The following USP34 variants were observed in gnomAD, a reference collection of about 807,000 sequenced individuals.
USP34 encodes ubiquitin carboxyl-terminal hydrolase 34.
Under a neutral mutation model 460.3 loss-of-function variants are expected in USP34, and 70 were observed. The ratio of observed to expected loss-of-function variants is 0.15; its 90% CI spans 0.13 to 0.19. The LOEUF is 0.19. Among genes scored for constraint, USP34 ranks in the 10% least tolerant of loss-of-function variants. The pLI is 1.00. For missense variants in USP34, 3,985 were observed against 4,236.2 expected (o/e 0.94, Z 1.65); for synonymous variants, 1,647 against 1,405.3 (o/e 1.17, Z -3.85).
Position 61,259,766 on chromosome 2 carries a change from T to A in USP34, c.5789A>T (p.Asp1930Val). Reference protein sequence around the residue: ...QAVFTAKYSEDMKHKTTLLEL... With the variant: ...QAVFTAKYSEVMKHKTTLLEL... ...CAGAAGAGTGGTCTTGTGCTTCATATCCTCTGAATACTGAAAATCAAGAGA... is the reference window on the plus strand; with the variant it reads ...CAGAAGAGTGGTCTTGTGCTTCATAACCTCTGAATACTGAAAATCAAGAGA... The change falls in exon 44 of 80, where the codon GAT becomes GTT. Residue 1930 changes from aspartate (D) to valine (V), a missense_variant. By Grantham distance (152) the Asp-to-Val change is radical (BLOSUM62 -3). This residue lies in a region of USP34 where 145 missense variants were observed against 291.6 expected (regional missense o/e 0.50). Coordinates refer to ENST00000398571, the MANE Select transcript of USP34 (RefSeq NM_014709.4). 1 of 1,613,060 alleles carries A rather than the reference T, an allele frequency of 6.2e-7. No homozygotes were observed. Among genetic ancestry groups the A allele is most frequent in the Non-Finnish European group, 8.5e-7 (1 of 1,179,836 alleles).
chr2:61,341,909 C>G (rs1416427305), intron 16 of USP34, among the ~76,000 whole-genome samples: 1 of 151,322 alleles, frequency 6.6e-6, no homozygotes, highest in Non-Finnish European at 1.5e-5. Context: ...ACGACAGGTG[C>G]CCGCCATCAC....
intron 23 of USP34, among the ~76,000 whole-genome samples, chr2:61,316,905 A>T (rs1558526667): frequency 6.6e-6 from 1 of 152,048 alleles, no homozygotes; most frequent in Non-Finnish European, 1.5e-5. Flanking sequence ...TAATAATAAA[A>T]ATTTTTAAAA....
intron 41 of USP34, among the ~76,000 whole-genome samples, chr2:61,272,914 A>G (rs1009463318): frequency 1.3e-5 from 2 of 152,188 alleles, no homozygotes; most frequent in African/African-American, 4.8e-5. Context: ...TGGGGAAAAT[A>G]AAAGAAAAAC....
chr2:61,446,843 G>C (rs1166206478), intron 1 of USP34, among the ~76,000 whole-genome samples: 1 of 151,208 alleles, frequency 6.6e-6, no homozygotes, highest in Non-Finnish European at 1.5e-5. Flanking sequence ...CCTCTGAGTA[G>C]ATACTTTGCC....
At chr2:61,243,392 C>G (rs992089915) in intron 51 of USP34, among the ~76,000 whole-genome samples, 4 of 152,042 alleles carry the variant, frequency 2.6e-5, no homozygotes, top group African/African-American at 4.8e-5. Context: ...GGTGATCCAC[C>G]TGCTTCGGCC....
At chr2:61,416,552 A>T (rs537632540) in intron 2 of USP34, among the ~76,000 whole-genome samples, 3 of 152,216 alleles carry the variant, frequency 2.0e-5, no homozygotes, top group Non-Finnish European at 4.4e-5. Flanking sequence ...AATAAGCTTA[A>T]AACAAGCAAA....
At chr2:61,249,919 G>A (rs550579976) in intron 48 of USP34, 1 of 167,726 alleles carries the variant, frequency 6.0e-6, no homozygotes, top group Admixed American at 6.4e-5. Context: ...TACTAACAGA[G>A]CTGCTGAAAC....
intron 67 of USP34, 40 bp downstream of exon 67, chr2:61,220,270 A>G (rs923831664): frequency 3.8e-6 from 6 of 1,564,008 alleles, no homozygotes; most frequent in Non-Finnish European, 4.3e-6. Context: ...ACTTTGAACA[A>G]TAAATAAATG....
At chr2:61,370,265 G>T (rs1469255035) in intron 10 of USP34, 56 bp downstream of exon 10, 1 of 1,532,512 alleles carries the variant, frequency 6.5e-7, no homozygotes, top group Non-Finnish European at 9.0e-7. Context: ...TCACAGAGAA[G>T]CACTTAGAAC....
At chr2:61,322,120 C>G (rs961985743) in intron 21 of USP34, among the ~76,000 whole-genome samples, 2 of 152,070 alleles carry the variant, frequency 1.3e-5, no homozygotes, top group African/African-American at 2.4e-5. Context: ...ATACCAGCTA[C>G]TCGGGAGGCT....
At chr2:61,290,280 ATCT>A (rs1240130768) in intron 33 of USP34, among the ~76,000 whole-genome samples, 1 of 152,150 alleles carries the variant, frequency 6.6e-6, no homozygotes, top group Non-Finnish European at 1.5e-5. Flanking sequence ...ACAGTTTGGC[ATCT>A]TCTTATAAGG....
chr2:61,344,227 A>G (rs1307942216), intron 15 of USP34, among the ~76,000 whole-genome samples, 198 bp from the exon 16 acceptor site: 1 of 152,218 alleles, frequency 6.6e-6, no homozygotes, highest in Non-Finnish European at 1.5e-5. Context: ...TTTACAATAT[A>G]CAGTCATATT....
intron 8 of USP34, among the ~76,000 whole-genome samples, chr2:61,372,912 G>C (rs760458731): frequency 3.7e-4 from 56 of 152,098 alleles, no homozygotes; most frequent in Non-Finnish European, 4.6e-4. Context: ...CAACCAAGAA[G>C]TAGAACAAAC....
chr2:61,226,773 C>T (rs1325150856), intron 62 of USP34: 13 of 238,768 alleles, frequency 5.4e-5, no homozygotes, highest in Admixed American at 1.1e-4. Flanking sequence ...GGTTAAAGAA[C>T]GAATGCACGC....
At chr2:61,229,457 T>C in intron 59 of USP34, 91 bp downstream of exon 59, 1 of 380,870 alleles carries the variant, frequency 2.6e-6, no homozygotes, top group South Asian at 4.0e-5. Flanking sequence ...CCCTATCTCT[T>C]AAAAAAAAAA....
At chr2:61,438,986 A>G (rs1694892694) in intron 1 of USP34, among the ~76,000 whole-genome samples, 1 of 152,222 alleles carries the variant, frequency 6.6e-6, no homozygotes, top group Admixed American at 6.5e-5. Context: ...ATACAAAATC[A>G]CTATTTAAAA....
intron 41 of USP34, among the ~76,000 whole-genome samples, chr2:61,274,828 T>C (rs536375344): frequency 8.5e-5 from 13 of 152,350 alleles, no homozygotes; most frequent in African/African-American, 2.4e-5. Flanking sequence ...TATAAACGTA[T>C]ACTCCATGAA....
intron 20 of USP34, among the ~76,000 whole-genome samples, chr2:61,326,519 C>T (rs1197777786): frequency 6.6e-6 from 1 of 152,032 alleles, no homozygotes; most frequent in Non-Finnish European, 1.5e-5. Flanking sequence ...TCAGCATGAC[C>T]GGCCCAGGTT....
At chr2:61,447,131 T>G (rs1172042912) in intron 1 of USP34, among the ~76,000 whole-genome samples, 2 of 151,760 alleles carry the variant, frequency 1.3e-5, no homozygotes, top group South Asian at 2.1e-4. Flanking sequence ...GGCATGCACC[T>G]GCAGTCTCAG....
Sources: gnomAD v4.1 joint callset for allele counts (sites outside exome capture counted in the v4.1 genomes callset) on GRCh38, gnomAD v4.1.1 for gene constraint, gnomAD v4.1.1 regional missense constraint, MANE v1.5 for transcripts, NCBI Gene and HGNC (gene_info 2026-07-23, HGNC 2026-07-21) for gene names.